MTUS2: variants seen among roughly 807,000 people sequenced by gnomAD.
MTUS2 encodes microtubule associated scaffold protein 2, also known as microtubule-associated tumor suppressor candidate 2.
Under a neutral mutation model 114.1 loss-of-function variants are expected in MTUS2, and 40 were observed. That is an observed-to-expected ratio of 0.35 (90% confidence interval 0.27 to 0.46). The LOEUF (loss-of-function observed/expected upper bound fraction) is 0.46, where lower values mean the gene tolerates loss of function less well. Ranked by LOEUF, MTUS2 falls within the 20% of genes least tolerant of loss-of-function variation. MTUS2 has a pLI of 1.00. For missense variants in MTUS2, 1,679 were observed against 1,705.4 expected (o/e 0.98, Z 0.27); for synonymous variants, 688 against 672.0 (o/e 1.02, Z -0.37).
At chr13:29,120,737 C>A (rs1593497811) in intron 5 of MTUS2, among the ~76,000 whole-genome samples, 1 of 152,128 alleles carries the variant, frequency 6.6e-6, no homozygotes. Flanking sequence ...TGGGCTGATC[C>A]CCTTGGGGTC....
At position 29,465,745 on chromosome 13, in the gene MTUS2, G is replaced by C. The variant is rs371056237; in HGVS notation, c.3185-14405G>C. Among the ~76,000 whole-genome samples, 23 of 152,258 alleles carry C rather than the reference G, an allele frequency of 1.5e-4. No homozygotes were observed. The East Asian group carries it at 2.3e-3, about 15-fold the overall frequency. ...TGGCAAGGGGCAGAGCCAGCCAGCC[G>C]GCATGCTGGGGGCTTCGTGAACATA... On this transcript the variant is annotated intron_variant, in intron 9 of 15. Coordinates refer to ENST00000612955, the MANE Select transcript of MTUS2 (RefSeq NM_001033602.4).
intron 7 of MTUS2, among the ~76,000 whole-genome samples, chr13:29,344,738 G>T (rs1868500336): frequency 6.6e-6 from 1 of 151,970 alleles, no homozygotes; most frequent in Non-Finnish European, 1.5e-5. Context: ...TTGTCATTCT[G>T]TTATTGTTTT....
rs34098187 is a variant in MTUS2, at chr13:29,031,307, G to GTC, written c.2206-2573_2206-2572dup. ...CAGGTCTATATTCATCTATACTTAT[G>GTC]TCTCTCAATATATATTATCTATATA... On this transcript the variant is annotated intron_variant, in intron 3 of 15. Transcript: ENST00000612955. 2.2e-4 allele frequency among the ~76,000 whole-genome samples: 33 copies of GTC among 149,514 alleles called. No homozygotes were observed. In the East Asian group the frequency reaches 4.1e-3, roughly 19 times the overall value.
At chr13:29,084,231 C>G (rs915260822) in intron 4 of MTUS2, among the ~76,000 whole-genome samples, 5 of 152,046 alleles carry the variant, frequency 3.3e-5, no homozygotes, top group African/African-American at 1.2e-4. Flanking sequence ...TTAAATCTTA[C>G]GTTGTATAAA....
At chr13:29,192,615 A>G (rs1894493026) in intron 5 of MTUS2, among the ~76,000 whole-genome samples, 1 of 152,226 alleles carries the variant, frequency 6.6e-6, no homozygotes, top group South Asian at 2.1e-4. Context: ...TAATATGATT[A>G]CTATATATGT....
intron 9 of MTUS2, among the ~76,000 whole-genome samples, chr13:29,443,495 T>G (rs1449931818): frequency 6.6e-6 from 1 of 152,222 alleles, no homozygotes; most frequent in Non-Finnish European, 1.5e-5. Context: ...AGAACCAGAA[T>G]TACCTGCCAG....
chr13:29,075,776 A>T (rs1593449793), intron 4 of MTUS2, among the ~76,000 whole-genome samples: 1 of 152,150 alleles, frequency 6.6e-6, no homozygotes, highest in East Asian at 1.9e-4. Context: ...ATTAGACCAT[A>T]TTTTCCTGTT....
intron 2 of MTUS2, among the ~76,000 whole-genome samples, chr13:29,021,159 T>C (rs1886275194): frequency 6.6e-6 from 1 of 152,150 alleles, no homozygotes; most frequent in South Asian, 2.1e-4. Flanking sequence ...GCCAGCTGCT[T>C]GGGAGGCTGA....
At chr13:29,261,998 A>G (rs1897490889) in intron 5 of MTUS2, among the ~76,000 whole-genome samples, 1 of 152,200 alleles carries the variant, frequency 6.6e-6, no homozygotes, top group South Asian at 2.1e-4. Flanking sequence ...ATTTGACTAA[A>G]TTTTCTCCTA....
At chr13:29,111,903 TA>T (rs1300121702) in intron 5 of MTUS2, among the ~76,000 whole-genome samples, 2 of 152,114 alleles carry the variant, frequency 1.3e-5, no homozygotes, top group Non-Finnish European at 2.9e-5. Flanking sequence ...GTGGGAATGA[TA>T]AAGTAAGAAA....
chr13:29,359,313 C>A lies in MTUS2; in HGVS notation c.2957C>A (p.Pro986Gln). 6.2e-7 allele frequency: 1 copy of A among 1,609,714 alleles called. No individual in the cohort carries two copies. Among genetic ancestry groups the A allele is most frequent in the Non-Finnish European group, 8.5e-7 (1 of 1,178,184 alleles). Residue 986 changes from proline to glutamine, a missense_variant, in exon 8 of 16, where the codon CCG (proline) becomes CAG (glutamine). Transcript: ENST00000612955. The part of the protein sequence containing the change: ...AAARNGFPPK[P>Q]DPQAREAERQ... ...GCTCGAAATGGGTTTCCGCCCAAGC[C>A]GGACCCGCAGGCCCGTGAGGCTGAG... is the stretch of plus-strand genomic sequence containing the variant.
chr13:28,954,056 A>G (rs1326900502), intron 2 of MTUS2, among the ~76,000 whole-genome samples: 7 of 152,234 alleles, frequency 4.6e-5, no homozygotes, highest in Non-Finnish European at 8.8e-5. Flanking sequence ...TTAAAATATG[A>G]CAATGCGGTA....
In MTUS2 at chr13:29,504,155, G is replaced by A. The variant is rs185245703; in HGVS notation, c.*949G>A. 48 of 232,196 alleles carry A rather than the reference G, an allele frequency of 2.1e-4. No homozygotes were observed. Among genetic ancestry groups the A allele is most frequent in the East Asian group, 9.8e-4 (16 of 16,396 alleles). 14.4% of individuals were successfully genotyped at this position (232,196 alleles called of 1,614,324 possible). A position where few individuals can be genotyped will look rare whatever the true frequency, so the allele number is the denominator to read the frequency against. On this transcript the variant is annotated 3_prime_UTR_variant, in exon 16 of 16. Transcript: ENST00000612955. ...ACCTTGCAGATGACTGTGCCCATTC[G>A]CGCTCCATCCTCATGAAGGAAATTG...
At chr13:29,288,670 G>A (rs562374846) in intron 6 of MTUS2, among the ~76,000 whole-genome samples, 2 of 152,310 alleles carry the variant, frequency 1.3e-5, no homozygotes, top group South Asian at 4.1e-4. Flanking sequence ...TTGGAAAGGA[G>A]CTGCACCACC....
intron 5 of MTUS2, among the ~76,000 whole-genome samples, chr13:29,131,930 G>A (rs965422143): frequency 2.6e-5 from 4 of 152,196 alleles, no homozygotes; most frequent in Non-Finnish European, 4.4e-5. Context: ...CTAGCATTTA[G>A]TGCTGATTTC....
chr13:29,416,122 T>G (rs1473728462), intron 8 of MTUS2, among the ~76,000 whole-genome samples: 5 of 131,158 alleles, frequency 3.8e-5, no homozygotes, highest in Admixed American at 8.7e-5. Context: ...ATGGACAGGG[T>G]GTCACCATGT....
At chr13:28,958,069 G>C (rs1037958063) in intron 2 of MTUS2, among the ~76,000 whole-genome samples, 7 of 152,222 alleles carry the variant, frequency 4.6e-5, no homozygotes, top group African/African-American at 1.7e-4. Context: ...AACCCGTTGT[G>C]CTGGAATTGT....
At chr13:29,175,259 T>G (rs1257618121) in intron 5 of MTUS2, among the ~76,000 whole-genome samples, 1 of 152,190 alleles carries the variant, frequency 6.6e-6, no homozygotes, top group Non-Finnish European at 1.5e-5. Flanking sequence ...ATGCCTCTTT[T>G]GTAATGCAAA....
intron 4 of MTUS2, among the ~76,000 whole-genome samples, chr13:29,070,805 A>G (rs1888884783): frequency 1.3e-5 from 2 of 151,794 alleles, no homozygotes; most frequent in African/African-American, 4.8e-5. Flanking sequence ...TTGCTTTTGG[A>G]CTTCATAAAG....
Sources: allele counts gnomAD v4.1 joint callset (sites outside exome capture counted in the v4.1 genomes callset), GRCh38; gene constraint gnomAD v4.1.1; transcripts MANE v1.5; gene names NCBI Gene and HGNC (gene_info 2026-07-23, HGNC 2026-07-21).